The following EYA3 variants were observed in gnomAD, a reference collection of about 807,000 sequenced individuals.
EYA3 encodes EYA transcriptional coactivator and phosphatase 3, also known as protein phosphatase EYA3.
In EYA3, 39 loss-of-function variants were observed where a neutral mutation model predicts 80.0. The observed-to-expected ratio is 0.49, with a 90% CI of 0.38 to 0.64. EYA3 has a LOEUF of 0.64. Ranked by LOEUF, EYA3 falls within the 30% of genes least tolerant of loss-of-function variation. The probability of loss-of-function intolerance (pLI) is 0.00; values close to 1 mark genes in which losing one functional copy is unlikely to be tolerated. For synonymous variants in EYA3, 206 were observed against 232.8 expected (o/e 0.88, Z 1.05); for missense variants, 523 against 676.1 (o/e 0.77, Z 2.51).
At position 27,994,953 on chromosome 1, in the gene EYA3, C is replaced by T. The variant is rs1571741415; in HGVS notation, c.1143-1393G>A. Among the ~76,000 whole-genome samples the T allele has an allele frequency of 3.3e-5, 5 of 149,818 alleles. No homozygotes were observed. The South Asian group carries it at 8.4e-4, about 25-fold the overall frequency. The stretch of plus-strand genomic sequence containing the variant: ...ACCTTAGCCTGGGCAACAGAGCAGG[C>T]CCCGTCTCTTTGGAAAAAAAAAAAA... On this transcript the variant is annotated intron_variant, in intron 13 of 17. Transcript: ENST00000373871.
At chr1:28,078,463 C>T (rs12025708) in intron 1 of EYA3, among the ~76,000 whole-genome samples, 8 of 152,192 alleles carry the variant, frequency 5.3e-5, no homozygotes, top group African/African-American at 1.9e-4. Context: ...TGAGTTGATA[C>T]TATTAATAGC....
At chr1:28,073,127 A>ATATATATTTTTT (rs1553157671) in intron 1 of EYA3, among the ~76,000 whole-genome samples, 4 of 14,998 alleles carry the variant, frequency 2.7e-4, no homozygotes, top group Admixed American at 7.2e-4. Context: ...ATATATATAT[A>ATATATATTTTTT]TTTTTTTTTT....
At chr1:28,025,172 C>G (rs533251154) in intron 7 of EYA3, among the ~76,000 whole-genome samples, 1 of 152,116 alleles carries the variant, frequency 6.6e-6, no homozygotes, top group Non-Finnish European at 1.5e-5. Context: ...ATAATACCCA[C>G]GTTTCATTTT....
chr1:27,993,049 T>C (rs1261627753), intron 14 of EYA3, among the ~76,000 whole-genome samples: 3 of 151,858 alleles, frequency 2.0e-5, no homozygotes, highest in Non-Finnish European at 4.4e-5. Flanking sequence ...GTCCTGATAG[T>C]TATATAAACC....
intron 1 of EYA3, among the ~76,000 whole-genome samples, chr1:28,060,340 G>A (rs1644576053): frequency 6.6e-6 from 1 of 151,984 alleles, no homozygotes; most frequent in Non-Finnish European, 1.5e-5. Context: ...GGTCAAAAGG[G>A]GTCATGGGTT....
chr1:28,000,265 T>C (rs1640733644), intron 11 of EYA3, among the ~76,000 whole-genome samples: 1 of 152,238 alleles, frequency 6.6e-6, no homozygotes, highest in Admixed American at 6.5e-5. Flanking sequence ...CTTTAGTTTC[T>C]AGAAATTAGT....
At position 28,037,216 on chromosome 1, in the gene EYA3, G is replaced by C. The variant is rs114163544; in HGVS notation, c.225-1536C>G. Among the ~76,000 whole-genome samples, 1,434 of 152,252 alleles carry C rather than the reference G, an allele frequency of 9.4e-3. 16 individuals carry two copies. Among genetic ancestry groups the C allele is most frequent in the Middle Eastern group, 0.027 (8 of 294 alleles). On this transcript the variant is annotated intron_variant, in intron 5 of 17. Coordinates refer to ENST00000373871, the MANE Select transcript of EYA3 (RefSeq NM_001990.4). ...TGTAAAATGGTTTAGAAAGGGAGGA[G>C]AAACTGGAAATGGAGATCCAGTTAA...
At chr1:28,054,121 G>A (rs1196157694) in intron 2 of EYA3, among the ~76,000 whole-genome samples, 1 of 152,030 alleles carries the variant, frequency 6.6e-6, no homozygotes, top group Non-Finnish European at 1.5e-5. Context: ...AGGGGTAAAG[G>A]GTTTGATCAT....
At chr1:28,062,788 G>A (rs1038377254) in intron 1 of EYA3, among the ~76,000 whole-genome samples, 2 of 151,796 alleles carry the variant, frequency 1.3e-5, no homozygotes, top group Non-Finnish European at 2.9e-5. Flanking sequence ...ATCACTTGAG[G>A]TCAGGAGTTT....
In EYA3 at chr1:27,996,093, G is replaced by A. The variant is rs559043359; in HGVS notation, c.1142+1227C>T. Among the ~76,000 whole-genome samples, 5 of 152,214 alleles carry A rather than the reference G, an allele frequency of 3.3e-5. No individual in the cohort carries two copies. In the South Asian group the frequency reaches 6.2e-4, roughly 19 times the overall value. ...TCGCCATGTTAGCCAGGCTAGTCTCGAACTCCTGACCTCAAGTGATTGGCC... is the reference window on the plus strand; with the variant it reads ...TCGCCATGTTAGCCAGGCTAGTCTCAAACTCCTGACCTCAAGTGATTGGCC... On this transcript the variant is annotated intron_variant, in intron 13 of 17. Transcript: ENST00000373871.
intron 2 of EYA3, among the ~76,000 whole-genome samples, chr1:28,049,723 T>C (rs1009261177): frequency 6.6e-6 from 1 of 152,164 alleles, no homozygotes; most frequent in African/African-American, 2.4e-5. Context: ...CTAGATAATA[T>C]AGGAAAACAG....
intron 1 of EYA3, 38 bp from the exon 2 acceptor site, chr1:28,058,132 CTT>C: frequency 1.2e-6 from 1 of 805,694 alleles, no homozygotes; most frequent in African/African-American, 1.7e-5. Flanking sequence ...TTTATACACT[CTT>C]AAAGTATTAT....
At chr1:28,032,085 T>G (rs2148836901) in intron 6 of EYA3, 1 of 152,306 alleles carries the variant, frequency 6.6e-6, no homozygotes, top group East Asian at 1.9e-4. Flanking sequence ...CCAATCAGCA[T>G]AGCGCACTAC....
At chr1:28,023,054 T>C (rs1179476282) in intron 7 of EYA3, among the ~76,000 whole-genome samples, 1 of 143,374 alleles carries the variant, frequency 7.0e-6, no homozygotes, top group Non-Finnish European at 1.5e-5. Flanking sequence ...GAGCATCTTG[T>C]AGTGCCAGGA....
At chr1:28,066,627 T>G (rs933841281) in intron 1 of EYA3, among the ~76,000 whole-genome samples, 7 of 152,024 alleles carry the variant, frequency 4.6e-5, no homozygotes, top group Non-Finnish European at 7.4e-5. Flanking sequence ...TATCTCACTA[T>G]GGAAAAGAGA....
chr1:28,042,549 A>G (rs773115206), intron 4 of EYA3, 22 bp downstream of exon 4: 30 of 1,590,674 alleles, frequency 1.9e-5, no homozygotes, highest in Non-Finnish European at 2.5e-5. Context: ...CTGTTCAATC[A>G]TGCACAGAAT....
intron 1 of EYA3, among the ~76,000 whole-genome samples, chr1:28,074,658 A>C (rs1645141864): frequency 6.6e-6 from 1 of 152,090 alleles, no homozygotes; most frequent in South Asian, 2.1e-4. Context: ...GTCTTTGCCT[A>C]ATACTAAAGT....
intron 7 of EYA3, among the ~76,000 whole-genome samples, chr1:28,021,449 C>T (rs1408730191): frequency 2.0e-5 from 3 of 152,104 alleles, no homozygotes; most frequent in Non-Finnish European, 4.4e-5. Flanking sequence ...CCCCGCACCC[C>T]ACTAGTCTGT....
At chr1:27,987,040 C>G (rs886648439) in intron 16 of EYA3, among the ~76,000 whole-genome samples, 8 of 152,302 alleles carry the variant, frequency 5.3e-5, no homozygotes, top group Admixed American at 5.2e-4. Flanking sequence ...GTCATGTTAA[C>G]TATTATTTAA....
Sources: gnomAD v4.1 joint callset for allele counts (sites outside exome capture counted in the v4.1 genomes callset) on GRCh38, gnomAD v4.1.1 for gene constraint, MANE v1.5 for transcripts, NCBI Gene and HGNC (gene_info 2026-07-23, HGNC 2026-07-21) for gene names.